Variants in PSMC1 observed in about 807,000 individuals in gnomAD.
PSMC1 encodes 26S proteasome regulatory subunit 4.
PSMC1 carries 5 observed loss-of-function variants against 49.8 expected under a neutral mutation model. That is an observed-to-expected ratio of 0.10 (90% CI 0.05 to 0.21). The LOEUF (loss-of-function observed/expected upper bound fraction) is 0.21. PSMC1 is among the 10% of genes least tolerant of loss of function. The pLI is 1.00. For synonymous variants in PSMC1, 155 were observed against 192.1 expected, an observed-to-expected ratio of 0.81 and a Z score of 1.60; for missense variants, 181 against 535.7, an observed-to-expected ratio of 0.34 and a Z score of 6.54.
At chr14:90,262,336 G>A (rs570834234) in intron 3 of PSMC1, among the ~76,000 whole-genome samples, 7 of 151,890 alleles carry the variant, frequency 4.6e-5, no homozygotes, top group Non-Finnish European at 1.0e-4. Context: ...CATTTCAAAA[G>A]TTTTTGTCCA....
At chr14:90,264,911 G>C (rs1307791902) in intron 6 of PSMC1, among the ~76,000 whole-genome samples, 159 bp from the exon 7 acceptor site, 1 of 152,220 alleles carries the variant, frequency 6.6e-6, no homozygotes, top group Non-Finnish European at 1.5e-5. Flanking sequence ...GTCATCTTCA[G>C]TATGTCTTTG....
At chr14:90,271,906 T>A (rs1891677424) in intron 10 of PSMC1, 1 of 152,678 alleles carries the variant, frequency 6.5e-6, no homozygotes, top group South Asian at 2.0e-4. Context: ...TTTTTTTTTT[T>A]TTTTTGAGGT....
intron 2 of PSMC1, 42 bp downstream of exon 2, chr14:90,259,255 G>A: frequency 6.3e-7 from 1 of 1,592,714 alleles, no homozygotes; most frequent in Non-Finnish European, 8.6e-7. Flanking sequence ...GCAAATTGTG[G>A]AAAATGTCAT....
At position 90,263,634 on chromosome 14, in the gene PSMC1, T is replaced by C. The variant is rs1819431406; in HGVS notation, c.280-28T>C. On this transcript the variant is annotated intron_variant, in intron 4 of 10. Transcript: ENST00000261303. ...TCATCTACTTTGAGGTCTAGTCTGC[T>C]TTTTTCCCTTGGCATTTTCATATGT... 3.1e-6 allele frequency: 5 copies of C among 1,609,658 alleles called. No individual in the cohort carries two copies. The Admixed American group carries it at 5.0e-5, about 16-fold the overall frequency.
At chr14:90,260,241 T>G (rs371552882) in intron 3 of PSMC1, 30 bp downstream of exon 3, 20 of 1,505,670 alleles carry the variant, frequency 1.3e-5, no homozygotes, top group Non-Finnish European at 1.7e-5. Context: ...TTGCCATCTT[T>G]CCAGTTCTTA....
chr14:90,262,161 A>AG (rs564696914), intron 3 of PSMC1, among the ~76,000 whole-genome samples: 35,130 of 70,724 alleles, frequency 0.5, 8,426 homozygotes, highest in Middle Eastern at 0.69. Context: ...GGGTGGGGGG[A>AG]GGGGGAGGGA....
At chr14:90,268,435 T>G in intron 8 of PSMC1, 22 bp downstream of exon 8, 1 of 1,612,702 alleles carries the variant, frequency 6.2e-7, no homozygotes, top group Non-Finnish European at 8.5e-7. Flanking sequence ...CATACTTATT[T>G]TGCCTTGTTT....
intron 9 of PSMC1, 33 bp from the exon 10 acceptor site, chr14:90,270,165 T>C (rs1391968983): frequency 6.2e-7 from 1 of 1,607,974 alleles, no homozygotes; most frequent in South Asian, 1.1e-5. Context: ...GGTTTGGATG[T>C]TGGTGTGACT....
rs1229424558 is a variant in PSMC1 at position 90,274,829 on chromosome 14, CACACACACA to C, written c.*2423_*2431del. The stretch of plus-strand genomic sequence containing the variant: ...ACACACACACACACACACACACACA[CACACACACA>C]CCCCAATACATATGAATTGATCTGA... On this transcript the variant is annotated 3_prime_UTR_variant, in exon 11 of 11. Transcript: ENST00000261303. 0.049 allele frequency: 4,882 copies of C among 99,834 alleles called. 135 individuals are homozygous for C. Among genetic ancestry groups the C allele is most frequent in the Middle Eastern group, 0.067 (13 of 194 alleles). The allele number at this position is 99,834 out of a possible 1,614,324, so 6.2% of individuals were successfully genotyped here.
At chr14:90,256,668 G>A (rs1891299792) in intron 1 of PSMC1, 68 bp downstream of exon 1, 31 of 1,558,898 alleles carry the variant, frequency 2.0e-5, no homozygotes, top group Non-Finnish European at 2.7e-5. Flanking sequence ...CCTGAGGCGA[G>A]AGAAAGAGGC....
At position 90,274,825 on chromosome 14, in the gene PSMC1, CACACACACA is replaced by C. The variant is rs1566678085; in HGVS notation, c.*2419_*2427del. On this transcript the variant is annotated 3_prime_UTR_variant, in exon 11 of 11. Coordinates refer to ENST00000261303, the MANE Select transcript of PSMC1 (RefSeq NM_002802.3). The stretch of plus-strand genomic sequence containing the variant: ...ACACACACACACACACACACACACA[CACACACACA>C]CACACCCCAATACATATGAATTGAT... 8.7e-5 allele frequency: 8 copies of C among 91,864 alleles called. No homozygotes were observed. In the East Asian group the frequency reaches 1.1e-3, roughly 12 times the overall value. The allele number at this position is 91,864 out of a possible 1,614,324, so 5.7% of individuals were successfully genotyped here.
chr14:90,259,223 C>T lies in PSMC1; in HGVS notation c.57+10C>T, dbSNP rs1288523003. On this transcript the variant is annotated intron_variant, in intron 2 of 10. Coordinates refer to ENST00000261303, the MANE Select transcript of PSMC1 (RefSeq NM_002802.3). ...CAAGAAGGATGACAAGGTAAATATG[C>T]CAGATTTGTCCTGTGATATGAGCAA... The T allele has an allele frequency of 1.9e-6, 3 of 1,612,864 alleles. No individual in the cohort carries two copies.
At chr14:90,259,822 A>C (rs1891362726) in intron 2 of PSMC1, among the ~76,000 whole-genome samples, 1 of 151,914 alleles carries the variant, frequency 6.6e-6, no homozygotes, top group African/African-American at 2.4e-5. Flanking sequence ...GAGTTTCACC[A>C]TGTTGGCCAA....
intron 7 of PSMC1, chr14:90,267,847 A>G (rs1337799536): frequency 4.4e-5 from 8 of 180,920 alleles, no homozygotes; most frequent in Non-Finnish European, 9.2e-5. Context: ...GGCCCAAGAC[A>G]GACTCAACCA....
chr14:90,261,555 G>T (rs557306628), intron 3 of PSMC1, among the ~76,000 whole-genome samples: 1 of 152,108 alleles, frequency 6.6e-6, no homozygotes, highest in Admixed American at 6.5e-5. Context: ...AATATAAAAG[G>T]CATTTCCATC....
chr14:90,259,680 G>A (rs990478107), intron 2 of PSMC1, among the ~76,000 whole-genome samples: 38 of 152,244 alleles, frequency 2.5e-4, no homozygotes, highest in African/African-American at 9.1e-4. Context: ...GGAGTGCAGT[G>A]GCATGATCTC....
At chr14:90,268,726 G>A in intron 8 of PSMC1, 1 of 261,064 alleles carries the variant, frequency 3.8e-6, no homozygotes. Context: ...AGGTTGTAGG[G>A]ATCAGATACC....
At position 90,263,746 on chromosome 14, in the gene PSMC1, A is replaced by G. The variant is rs1167318314; in HGVS notation, c.364A>G (p.Ile122Val). 2 of 1,612,262 alleles carry G rather than the reference A, an allele frequency of 1.2e-6. No homozygotes were observed. Among genetic ancestry groups the G allele is most frequent in the African/African-American group, 1.3e-5 (1 of 74,904 alleles). ...LEEIIDDNHA[I>V]VSTSVGSEHY... ...AGAGATCATTGATGACAATCATGCC[A>G]TCGTGTCTACATCTGTGGGCTCAGA... The change falls in exon 5 of 11, where the codon ATC (isoleucine) becomes GTC (valine). Residue 122 changes from isoleucine (I) to valine (V), a missense_variant. This residue lies in a region of PSMC1 where 121 missense variants were observed against 358.6 expected (regional missense o/e 0.34). Transcript: ENST00000261303.
At position 90,273,220 on chromosome 14, in the gene PSMC1, G is replaced by C. The variant is rs1489823826; in HGVS notation, c.*813G>C. The C allele has an allele frequency of 6.7e-6, 1 of 149,526 alleles. No individual in the cohort carries two copies. The highest frequency in any genetic ancestry group is 2.4e-5 in the African/African-American group (1 of 41,222). 9.3% of individuals were successfully genotyped at this position (149,526 alleles called of 1,614,324 possible). A position where few individuals can be genotyped will look rare whatever the true frequency, so the allele number is the denominator to read the frequency against. The stretch of plus-strand genomic sequence containing the variant: ...CACACTGAATGAGGAGTGTGTATTA[G>C]TTTTCTGTTAATACTATAACAAGTT... On this transcript the variant is annotated 3_prime_UTR_variant, in exon 11 of 11. Transcript: ENST00000261303.
Sources: allele counts gnomAD v4.1 joint callset (sites outside exome capture counted in the v4.1 genomes callset), GRCh38; gene constraint gnomAD v4.1.1; regional missense constraint gnomAD v4.1.1; transcripts MANE v1.5; gene names NCBI Gene and HGNC (gene_info 2026-07-23, HGNC 2026-07-21).